The following CORO2B variants were observed in gnomAD, a reference collection of about 807,000 sequenced individuals.
The protein encoded by CORO2B is coronin 2B.
In CORO2B, 26 loss-of-function variants were observed where a neutral mutation model predicts 58.8. The ratio of observed to expected loss-of-function variants is 0.44; its 90% CI spans 0.32 to 0.61. The LOEUF (loss-of-function observed/expected upper bound fraction) is 0.61. CORO2B is among the 20% of genes least tolerant of loss of function. The pLI is 0.04. For synonymous variants in CORO2B, 242 were observed against 253.8 expected, an observed-to-expected ratio of 0.95 and a Z score of 0.44; for missense variants, 460 against 645.1, an observed-to-expected ratio of 0.71 and a Z score of 3.11.
chr15:68,647,418 G>A (rs1031865955), intron 2 of CORO2B, among the ~76,000 whole-genome samples: 1 of 152,128 alleles, frequency 6.6e-6, no homozygotes, highest in Non-Finnish European at 1.5e-5. Context: ...GACCGGACAC[G>A]GTGGCTCACG....
At chr15:68,530,286 C>T in the CORO2B span, among the ~76,000 whole-genome samples, 3 of 152,238 alleles carry the variant, frequency 2.0e-5, no homozygotes, top group Admixed American at 2.0e-4. Context: ...GATGGCGCCA[C>T]CGCACTCCAA....
intron 3 of CORO2B, among the ~76,000 whole-genome samples, chr15:68,697,037 T>C (rs1361961065): frequency 6.6e-6 from 1 of 152,226 alleles, no homozygotes; most frequent in African/African-American, 2.4e-5. Context: ...CTGCACCCCA[T>C]GCATCCAGCA....
the CORO2B span, among the ~76,000 whole-genome samples, chr15:68,540,104 G>A: frequency 6.6e-6 from 1 of 152,192 alleles, no homozygotes; most frequent in Non-Finnish European, 1.5e-5. Context: ...ACATCAGTAT[G>A]TTTTCATACT....
At chr15:68,581,359 C>T (rs565628789) in intron 1 of CORO2B, among the ~76,000 whole-genome samples, 5 of 152,308 alleles carry the variant, frequency 3.3e-5, no homozygotes, top group Admixed American at 6.5e-5. Context: ...CACAGACCAG[C>T]GTGTTCTTGT....
chr15:68,593,227 A>G (rs555926956), intron 1 of CORO2B, among the ~76,000 whole-genome samples: 30 of 152,236 alleles, frequency 2.0e-4, no homozygotes, highest in Non-Finnish European at 4.0e-4. Flanking sequence ...AAATTTCAAC[A>G]TGAGTTTTGG....
chr15:68,664,895 C>T (rs1042585412), intron 2 of CORO2B, among the ~76,000 whole-genome samples: 2 of 151,968 alleles, frequency 1.3e-5, no homozygotes, highest in African/African-American at 4.8e-5. Context: ...TGGAAGAAGT[C>T]CTTTATATGT....
chr15:68,548,556 C>G, the CORO2B span, among the ~76,000 whole-genome samples: 1 of 152,192 alleles, frequency 6.6e-6, no homozygotes, highest in Non-Finnish European at 1.5e-5. Context: ...ATACATCTCC[C>G]TGTGCGTACA....
chr15:68,599,444 A>G (rs1899919478), intron 1 of CORO2B, among the ~76,000 whole-genome samples: 1 of 152,146 alleles, frequency 6.6e-6, no homozygotes, highest in Non-Finnish European at 1.5e-5. Flanking sequence ...TTTTGCATGG[A>G]TATAAGAATC....
At chr15:68,544,086 T>G in the CORO2B span, among the ~76,000 whole-genome samples, 2 of 152,198 alleles carry the variant, frequency 1.3e-5, no homozygotes, top group African/African-American at 4.8e-5. Flanking sequence ...CACTCATGCC[T>G]TCCTTCCCCA....
intron 3 of CORO2B, among the ~76,000 whole-genome samples, chr15:68,697,261 C>G (rs921476300): frequency 6.6e-6 from 1 of 151,110 alleles, no homozygotes; most frequent in Non-Finnish European, 1.5e-5. Context: ...TGTATGACTA[C>G]ATTGATGGAT....
chr15:68,519,552 C>A, the CORO2B span, among the ~76,000 whole-genome samples: 1 of 151,816 alleles, frequency 6.6e-6, no homozygotes. Flanking sequence ...TTTTGCTCTC[C>A]CTCTTTGTTC....
intron 1 of CORO2B, among the ~76,000 whole-genome samples, chr15:68,610,203 C>T (rs1430116026): frequency 6.6e-6 from 1 of 152,158 alleles, no homozygotes; most frequent in Non-Finnish European, 1.5e-5. Context: ...CAGCAGCCCT[C>T]ACTAAATGTC....
the CORO2B span, among the ~76,000 whole-genome samples, chr15:68,544,830 G>A: frequency 6.6e-6 from 1 of 150,838 alleles, no homozygotes; most frequent in African/African-American, 2.5e-5. Context: ...AGGCTGGAGT[G>A]CGACGGCACA....
intron 2 of CORO2B, among the ~76,000 whole-genome samples, chr15:68,679,088 T>C (rs529260746): frequency 1.3e-5 from 2 of 152,342 alleles, no homozygotes; most frequent in East Asian, 1.9e-4. Flanking sequence ...TAGATATTTA[T>C]TGAGACTCTA....
intron 2 of CORO2B, among the ~76,000 whole-genome samples, chr15:68,691,838 A>G (rs1892386780): frequency 6.6e-6 from 1 of 152,026 alleles, no homozygotes; most frequent in Non-Finnish European, 1.5e-5. Context: ...GCTGCTGGCT[A>G]GAAGCTCCTG....
chr15:68,694,965 G>A (rs1406418029), intron 2 of CORO2B, among the ~76,000 whole-genome samples, 175 bp from the exon 3 acceptor site: 1 of 152,214 alleles, frequency 6.6e-6, no homozygotes. Context: ...CTGCAGAGCA[G>A]TGTGGCCCAG....
chr15:68,546,343 G>A, the CORO2B span, among the ~76,000 whole-genome samples: 6 of 152,136 alleles, frequency 3.9e-5, no homozygotes, highest in African/African-American at 1.4e-4. Context: ...GCAATACCAT[G>A]CATCAATTTG....
the CORO2B span, among the ~76,000 whole-genome samples, chr15:68,538,392 G>A: frequency 6.6e-6 from 1 of 152,198 alleles, no homozygotes; most frequent in African/African-American, 2.4e-5. Context: ...CAGGAGAGTT[G>A]GGGCTTTAGA....
chr15:68,605,575 C>T (rs1373773248), intron 1 of CORO2B, among the ~76,000 whole-genome samples: 2 of 152,090 alleles, frequency 1.3e-5, no homozygotes, highest in Admixed American at 6.5e-5. Flanking sequence ...AAAGGTGGGA[C>T]ATAAAGTTTT....
Sources: gnomAD v4.1 joint callset for allele counts (sites outside exome capture counted in the v4.1 genomes callset) on GRCh38, gnomAD v4.1.1 for gene constraint, MANE v1.5 for transcripts, NCBI Gene and HGNC (gene_info 2026-07-23, HGNC 2026-07-21) for gene names.